The following STAG2 variants were observed in gnomAD, a reference collection of about 807,000 sequenced individuals.
STAG2 encodes the protein STAG2 cohesin complex component.
STAG2 carries 14 observed loss-of-function variants against 108.1 expected under a neutral mutation model. The observed-to-expected ratio is 0.13, with a 90% CI of 0.09 to 0.20. The LOEUF (loss-of-function observed/expected upper bound fraction) is 0.20. STAG2 is among the 10% of genes least tolerant of loss of function. STAG2 has a pLI of 1.00. For missense variants in STAG2, 440 were observed against 940.9 expected, an observed-to-expected ratio of 0.47 and a Z score of 6.96; for synonymous variants, 307 against 302.7, an observed-to-expected ratio of 1.01 and a Z score of -0.15.
intron 7 of STAG2, among the ~76,000 whole-genome samples, chrX:124,042,867 T>C (rs1005604798): frequency 9.3e-6 from 1 of 107,624 alleles, no homozygotes; most frequent in Non-Finnish European, 1.9e-5. Context: ...CAAAAAAAAT[T>C]AGCCGGGAGT....
intron 15 of STAG2, among the ~76,000 whole-genome samples, chrX:124,058,824 TA>T (rs2058294440): frequency 8.9e-6 from 1 of 112,283 alleles, no homozygotes; most frequent in African/African-American, 3.2e-5. Context: ...TCATATTACA[TA>T]CTATTATTTA....
At position 124,078,196 on chromosome X, in the gene STAG2, TA is replaced by T. The variant is rs765863723; in HGVS notation, c.2775+139del. On this transcript the variant is annotated intron_variant, in intron 27 of 34. Transcript: ENST00000371145. Reference sequence around the variant, plus strand: ...AAATACAAGAAAGTATAAGTGAGATTATTTTTTTGCTTTCAAACTGTCAAGA... The same window carrying T: ...AAATACAAGAAAGTATAAGTGAGATTTTTTTTTGCTTTCAAACTGTCAAGA... 4.6e-4 allele frequency: 201 copies of T among 440,388 alleles called. No homozygotes were observed. In the African/African-American group the frequency reaches 4.8e-3, roughly 11 times the overall value. 36.3% of individuals were successfully genotyped at this position (440,388 alleles called of 1,213,427 possible). A position where few individuals can be genotyped will look rare whatever the true frequency, so the allele number is the denominator to read the frequency against.
At chrX:123,979,873 C>T (rs930693832) in intron 1 of STAG2, among the ~76,000 whole-genome samples, 1 of 111,503 alleles carries the variant, frequency 9.0e-6, no homozygotes, top group Non-Finnish European at 1.9e-5. Context: ...CTAGCTTTGC[C>T]ATTTATAACT....
intron 34 of STAG2, among the ~76,000 whole-genome samples, chrX:124,098,979 A>G: frequency 8.9e-6 from 1 of 112,033 alleles, no homozygotes; most frequent in Non-Finnish European, 1.9e-5. Flanking sequence ...GATATTAAAT[A>G]TGTTTAAGTA....
chrX:124,087,258 G>A (rs1414678023), intron 30 of STAG2, among the ~76,000 whole-genome samples: 1 of 112,060 alleles, frequency 8.9e-6, no homozygotes, highest in East Asian at 2.8e-4. Context: ...TCGTATTAGA[G>A]GTAGGAATGC....
intron 7 of STAG2, 146 bp from the exon 8 acceptor site, chrX:124,045,017 GT>G: frequency 2.0e-6 from 1 of 487,867 alleles, no homozygotes; most frequent in Non-Finnish European, 3.5e-6. Context: ...TTTATATATT[GT>G]TCTCTTGCCT....
intron 10 of STAG2, 48 bp from the exon 11 acceptor site, chrX:124,050,138 G>C (rs1208410984): frequency 1.7e-6 from 2 of 1,175,695 alleles, no homozygotes; most frequent in African/African-American, 3.5e-5. Context: ...CATAAGTTTT[G>C]TGGTATATTG....
At chrX:124,061,053 C>T (rs1351983650) in intron 15 of STAG2, among the ~76,000 whole-genome samples, 171 bp from the exon 16 acceptor site, 4 of 110,606 alleles carry the variant, frequency 3.6e-5, no homozygotes, top group Non-Finnish European at 7.6e-5. Flanking sequence ...ACACGTCTTT[C>T]TTACAGCAAG....
At position 124,076,388 on chromosome X, in the gene STAG2, T is replaced by C; in HGVS notation, c.2590T>C (p.Leu864=). 1 of 1,208,721 alleles carries C rather than the reference T, an allele frequency of 8.3e-7. No individual in the cohort carries two copies. The highest frequency in any genetic ancestry group is 1.1e-6 in the Non-Finnish European group (1 of 893,858). Residue 864 remains leucine, a synonymous_variant, in exon 26 of 35, where the codon TTA becomes CTA. Transcript: ENST00000371145. ...KIEALHKRRN[L]LAAFCKLIVY... The stretch of plus-strand genomic sequence containing the variant: ...TGAAGCTCTGCACAAGAGAAGAAAT[T>C]TACTTGCAGCATTTTGTAAGCTAAT...
intron 13 of STAG2, among the ~76,000 whole-genome samples, chrX:124,054,905 G>A (rs1417211123): frequency 1.8e-5 from 2 of 110,637 alleles, no homozygotes; most frequent in African/African-American, 6.6e-5. Flanking sequence ...TATAGCTACT[G>A]TAGTCCCACC....
At chrX:124,088,906 G>C (rs1167593632) in intron 30 of STAG2, among the ~76,000 whole-genome samples, 1 of 72,443 alleles carries the variant, frequency 1.4e-5, no homozygotes, top group Non-Finnish European at 2.6e-5. Context: ...GAGCCACTGC[G>C]CCTGGCCTTT....
At chrX:123,998,253 C>G (rs1217978360) in intron 1 of STAG2, among the ~76,000 whole-genome samples, 1 of 104,194 alleles carries the variant, frequency 9.6e-6, no homozygotes, top group Non-Finnish European at 2.0e-5. Context: ...ACTGCAACCT[C>G]TGCTTCCCAG....
chrX:123,968,654 C>T (rs1049535644), intron 1 of STAG2, among the ~76,000 whole-genome samples: 2 of 111,944 alleles, frequency 1.8e-5, no homozygotes, highest in Admixed American at 9.4e-5. Flanking sequence ...GAGTAAGACC[C>T]TATCTCAAAA....
intron 1 of STAG2, among the ~76,000 whole-genome samples, chrX:123,967,256 ATTTT>A (rs1177101640): frequency 1.4e-4 from 7 of 50,218 alleles, no homozygotes; most frequent in Admixed American, 5.3e-4. Context: ...TCAATGGTGT[ATTTT>A]TTTTTTTTTT....
intron 34 of STAG2, among the ~76,000 whole-genome samples, chrX:124,096,814 A>G (rs2059389129): frequency 9.0e-6 from 1 of 111,543 alleles, no homozygotes; most frequent in African/African-American, 3.3e-5. Flanking sequence ...GCCCTCTCCT[A>G]CCTCATAATC....
intron 1 of STAG2, among the ~76,000 whole-genome samples, chrX:123,974,638 G>A (rs1229928794): frequency 9.6e-6 from 1 of 103,945 alleles, no homozygotes; most frequent in Non-Finnish European, 2.0e-5. Flanking sequence ...GAGTGCAGTG[G>A]CGTGATCTCG....
intron 1 of STAG2, among the ~76,000 whole-genome samples, chrX:123,978,014 C>T (rs1460561232): frequency 4.6e-5 from 5 of 107,988 alleles, no homozygotes; most frequent in African/African-American, 6.7e-5. Context: ...AGCTTATTTT[C>T]ATATTTTTTG....
At chrX:124,000,924 A>C (rs1046958575) in intron 1 of STAG2, among the ~76,000 whole-genome samples, 26 of 111,615 alleles carry the variant, frequency 2.3e-4, no homozygotes, top group African/African-American at 8.5e-4. Flanking sequence ...AACAAATAAA[A>C]ATTTTAAAAA....
At chrX:124,063,250 A>G in intron 19 of STAG2, 45 bp downstream of exon 19, 2 of 938,064 alleles carry the variant, frequency 2.1e-6, no homozygotes, top group African/African-American at 2.0e-5. Flanking sequence ...AAAATTATTC[A>G]GTTCATTATA....
Sources: gnomAD v4.1 joint callset for allele counts (sites outside exome capture counted in the v4.1 genomes callset) on GRCh38, gnomAD v4.1.1 for gene constraint, MANE v1.5 for transcripts, NCBI Gene and HGNC (gene_info 2026-07-23, HGNC 2026-07-21) for gene names.